POLR1A: variants seen among roughly 807,000 people sequenced by gnomAD.
POLR1A encodes DNA-directed RNA polymerase I subunit RPA1.
In POLR1A, 84 loss-of-function variants were observed where a neutral mutation model predicts 205.3. The observed-to-expected ratio is 0.41, with a 90% CI of 0.34 to 0.49. The LOEUF (loss-of-function observed/expected upper bound fraction) is 0.49. Ranked by LOEUF, POLR1A falls within the 20% of genes least tolerant of loss-of-function variation. The pLI is 0.22. For missense variants in POLR1A, 1,645 were observed against 2,204.5 expected (o/e 0.75, Z 5.08); for synonymous variants, 799 against 863.7 (o/e 0.93, Z 1.31).
Position 86,026,452 on chromosome 2 carries a change from T to G in POLR1A, c.*971A>C, listed in dbSNP as rs1672250915. ...AGCTAGCCTCTGGTTTTACAAAGCC[T>G]TTGTATAAGTCCTCTCTGTCTTTTC... On this transcript the variant is annotated 3_prime_UTR_variant, in exon 34 of 34. Coordinates refer to ENST00000263857, the MANE Select transcript of POLR1A (RefSeq NM_015425.6). 1 of 152,238 alleles carries G rather than the reference T, an allele frequency of 6.6e-6. No individual in the cohort carries two copies. The highest frequency in any genetic ancestry group is 1.5e-5 in the Non-Finnish European group (1 of 68,052). 9.4% of individuals were successfully genotyped at this position (152,238 alleles called of 1,614,324 possible). A position where few individuals can be genotyped will look rare whatever the true frequency, so the allele number is the denominator to read the frequency against.
Position 86,042,244 on chromosome 2 carries a change from T to C in POLR1A, c.3358-141A>G. ...TGAGAAACCATCTCCCCATTTAAAATGGGGAGAGACTTCAACCTGTCCTAG... is the reference window on the plus strand; with the variant it reads ...TGAGAAACCATCTCCCCATTTAAAACGGGGAGAGACTTCAACCTGTCCTAG... On this transcript the variant is annotated intron_variant, in intron 23 of 33. Coordinates refer to ENST00000263857, the MANE Select transcript of POLR1A (RefSeq NM_015425.6). 4 of 663,858 alleles carry C rather than the reference T, an allele frequency of 6.0e-6. No individual in the cohort carries two copies. The Middle Eastern group carries it at 1.2e-3, about 205-fold the overall frequency. The allele number at this position is 663,858 out of a possible 1,614,324, so 41.1% of individuals were successfully genotyped here.
At chr2:86,061,068 T>G (rs541723586) in intron 14 of POLR1A, among the ~76,000 whole-genome samples, 1 of 152,138 alleles carries the variant, frequency 6.6e-6, no homozygotes, top group Non-Finnish European at 1.5e-5. Context: ...TCTCTTGTCA[T>G]TAAGGACATG....
Position 86,023,595 on chromosome 2 carries a change from G to A in POLR1A, c.*3828C>T, listed in dbSNP as rs1239654619. The A allele has an allele frequency of 6.6e-6, 1 of 152,160 alleles. No individual in the cohort carries two copies. Among genetic ancestry groups the A allele is most frequent in the Non-Finnish European group, 1.5e-5 (1 of 68,036 alleles). 9.4% of individuals were successfully genotyped at this position (152,160 alleles called of 1,614,324 possible). A position where few individuals can be genotyped will look rare whatever the true frequency, so the allele number is the denominator to read the frequency against. ...CTATTAACAAGAACAAGGATGTGGA[G>A]AAATTGAAATTGTTGTACACCGTTG... On this transcript the variant is annotated 3_prime_UTR_variant, in exon 34 of 34. Coordinates refer to ENST00000263857, the MANE Select transcript of POLR1A (RefSeq NM_015425.6).
chr2:86,074,905 G>A (rs375758604), intron 12 of POLR1A, 125 bp downstream of exon 12: 415 of 664,718 alleles, frequency 6.2e-4, no homozygotes, highest in African/African-American at 5.4e-3. Context: ...CCCACGTGTC[G>A]GGGAGCTTCC....
chr2:86,085,864 T>C (rs1673495798), intron 6 of POLR1A, among the ~76,000 whole-genome samples: 3 of 152,206 alleles, frequency 2.0e-5, no homozygotes, highest in Non-Finnish European at 4.4e-5. Context: ...AGAGGTCAAA[T>C]AACCTGGGAT....
At chr2:86,090,816 T>C (rs970548712) in intron 3 of POLR1A, among the ~76,000 whole-genome samples, 2 of 152,228 alleles carry the variant, frequency 1.3e-5, no homozygotes, top group African/African-American at 4.8e-5. Context: ...GGCACAGTGG[T>C]GCCTCTGTAG....
At position 86,028,617 on chromosome 2, in the gene POLR1A, A is replaced by G; in HGVS notation, c.4874T>C (p.Ile1625Thr). ...EAALRVIEKE[I>T]KDVFAVYGIA... is the part of the protein sequence containing the mutation. Reference sequence around the variant, plus strand: ...ACCATACACGGCAAACACATCCTTGATCTCCTTCTCGATCACCCGCAGCGC... The same window carrying G: ...ACCATACACGGCAAACACATCCTTGGTCTCCTTCTCGATCACCCGCAGCGC... Residue 1625 changes from isoleucine (I) to threonine (T), a missense_variant, in exon 32 of 34, where the codon ATC (isoleucine) becomes ACC (threonine). Coordinates refer to ENST00000263857, the MANE Select transcript of POLR1A (RefSeq NM_015425.6). The surrounding 1 kb of genome is among the most constrained non-coding windows in gnomAD (Gnocchi z 4.5). The G allele has an allele frequency of 1.9e-6, 3 of 1,613,828 alleles. No individual in the cohort carries two copies. The highest frequency in any genetic ancestry group is 2.5e-6 in the Non-Finnish European group (3 of 1,179,724).
rs752046187 is a variant in POLR1A at position 86,081,662 on chromosome 2, T to C, written c.862A>G (p.Met288Val). 8 of 1,612,654 alleles carry C rather than the reference T, an allele frequency of 5.0e-6. No individual in the cohort carries two copies. The highest frequency in any genetic ancestry group is 6.8e-6 in the Non-Finnish European group (8 of 1,179,588). ...ACACTGGGATTGAATCTGGATTCCATACCATCATCATCCATTCCCGAAAAA... is the reference window on the plus strand; with the variant it reads ...ACACTGGGATTGAATCTGGATTCCACACCATCATCATCCATTCCCGAAAAA... ...YLFSGMDDDG[M>V]ESRFNPSVFF... The change falls in exon 8 of 34, where the codon ATG (methionine) becomes GTG (valine). Residue 288 changes from methionine (M) to valine (V), a missense_variant. Physicochemically the swap from Met to Val is conservative, Grantham distance 21. This residue lies in a region of POLR1A where 330 missense variants were observed against 375.6 expected (regional missense o/e 0.88). Coordinates refer to ENST00000263857, the MANE Select transcript of POLR1A (RefSeq NM_015425.6).
In POLR1A at chr2:86,077,804, C is replaced by T. The variant is rs959891623; in HGVS notation, c.1380+55G>A. Reference sequence around the variant, plus strand: ...ACGGGGAGCAAATGAGCCCTGCACGCGCGCGCGCACACACACACACACACA... The same window carrying T: ...ACGGGGAGCAAATGAGCCCTGCACGTGCGCGCGCACACACACACACACACA... On this transcript the variant is annotated intron_variant, in intron 11 of 33. Transcript: ENST00000263857. 17 of 1,016,140 alleles carry T rather than the reference C, an allele frequency of 1.7e-5. 1 individual carries two copies. The highest frequency in any genetic ancestry group is 1.6e-4 in the South Asian group (11 of 70,784). The allele number at this position is 1,016,140 out of a possible 1,614,324, so 62.9% of individuals were successfully genotyped here.
intron 27 of POLR1A, 110 bp downstream of exon 27, chr2:86,038,590 T>C (rs1672540599): frequency 3.7e-6 from 4 of 1,072,022 alleles, no homozygotes; most frequent in Non-Finnish European, 5.5e-6. Flanking sequence ...AAGGGCTCAT[T>C]TGGGCAAAGG....
chr2:86,084,973 T>C (rs1314142197), intron 6 of POLR1A, among the ~76,000 whole-genome samples: 2 of 151,894 alleles, frequency 1.3e-5, no homozygotes, highest in African/African-American at 4.8e-5. Flanking sequence ...GTATTTTCTT[T>C]TTTTCTGAGA....
At chr2:86,064,756 C>CT (rs564064619) in intron 14 of POLR1A, among the ~76,000 whole-genome samples, 2,068 of 145,722 alleles carry the variant, frequency 0.014, 33 homozygotes, top group African/African-American at 0.039. Flanking sequence ...ATGCAGTCTA[C>CT]TTTTTTTTTT....
intron 22 of POLR1A, 75 bp from the exon 23 acceptor site, chr2:86,043,270 G>A: frequency 8.0e-7 from 1 of 1,252,044 alleles, no homozygotes; most frequent in Non-Finnish European, 1.2e-6. Context: ...TGACAAGAGG[G>A]CCATGGAGCA....
intron 1 of POLR1A, among the ~76,000 whole-genome samples, chr2:86,103,450 G>A (rs1673859684): frequency 6.6e-6 from 1 of 152,280 alleles, no homozygotes; most frequent in Non-Finnish European, 1.5e-5. Context: ...TGAGTGAGAT[G>A]GGAAGCTATT....
chr2:86,044,467 T>A (rs1672676512), intron 21 of POLR1A, 163 bp from the exon 22 acceptor site: 2 of 674,646 alleles, frequency 3.0e-6, no homozygotes, highest in African/African-American at 1.8e-5. Flanking sequence ...GGTCTGGGCT[T>A]GCTCCAGTGT....
At chr2:86,097,993 C>G (rs1167554072) in intron 3 of POLR1A, among the ~76,000 whole-genome samples, 1 of 151,994 alleles carries the variant, frequency 6.6e-6, no homozygotes, top group African/African-American at 2.4e-5. Flanking sequence ...CACTATGTAC[C>G]CCATAAAATA....
At chr2:86,064,266 A>G (rs532420944) in intron 14 of POLR1A, among the ~76,000 whole-genome samples, 2 of 152,314 alleles carry the variant, frequency 1.3e-5, no homozygotes, top group East Asian at 3.9e-4. Flanking sequence ...GTTTAGAATC[A>G]GAACTTAGCT....
At chr2:86,058,608 T>G (rs1672942376) in intron 14 of POLR1A, among the ~76,000 whole-genome samples, 1 of 150,726 alleles carries the variant, frequency 6.6e-6, no homozygotes. Flanking sequence ...ATTCTAGAAA[T>G]GTATAATTTA....
At chr2:86,081,094 A>G (rs1483732242) in intron 8 of POLR1A, 116 bp from the exon 9 acceptor site, 2 of 893,504 alleles carry the variant, frequency 2.2e-6, no homozygotes, top group Admixed American at 2.5e-5. Context: ...AAAACAACCA[A>G]CCTTCCTAAC....
Sources: gnomAD v4.1 joint callset for allele counts (sites outside exome capture counted in the v4.1 genomes callset) on GRCh38, gnomAD v4.1.1 for gene constraint, gnomAD v4.1.1 regional missense constraint, Gnocchi (gnomAD v3.1) non-coding constraint, MANE v1.5 for transcripts, NCBI Gene and HGNC (gene_info 2026-07-23, HGNC 2026-07-21) for gene names.